EPB41L4B: variants seen among roughly 807,000 people sequenced by gnomAD.
The protein encoded by EPB41L4B is erythrocyte membrane protein band 4.1 like 4B, also known as band 4.1-like protein 4B.
In EPB41L4B, 30 loss-of-function variants were observed where a neutral mutation model predicts 112.5. That is an observed-to-expected ratio of 0.27 (90% CI 0.20 to 0.36). EPB41L4B has a LOEUF of 0.36. EPB41L4B is among the 10% of genes least tolerant of loss of function. EPB41L4B has a pLI of 1.00. For synonymous variants in EPB41L4B, 408 were observed against 439.7 expected, an observed-to-expected ratio of 0.93 and a Z score of 0.90; for missense variants, 1,024 against 1,133.3, an observed-to-expected ratio of 0.90 and a Z score of 1.38.
chr9:109,270,977 T>G (rs1469079221), intron 2 of EPB41L4B, among the ~76,000 whole-genome samples: 1 of 152,238 alleles, frequency 6.6e-6, no homozygotes, highest in Non-Finnish European at 1.5e-5. Context: ...TACTGAAGTT[T>G]TCCACATCCT....
At chr9:109,262,452 G>GTGT (rs34849317) in intron 6 of EPB41L4B, among the ~76,000 whole-genome samples, 4,802 of 149,456 alleles carry the variant, frequency 0.032, 129 homozygotes, top group African/African-American at 0.05. Flanking sequence ...TGTGTGTGGG[G>GTGT]GTGTGTGTGT....
At chr9:109,222,975 C>T (rs1022174372) in intron 15 of EPB41L4B, among the ~76,000 whole-genome samples, 22 of 152,232 alleles carry the variant, frequency 1.4e-4, no homozygotes, top group African/African-American at 5.1e-4. Flanking sequence ...TCCAGAAAAG[C>T]TAGTGTTCCT....
Position 109,251,951 on chromosome 9 carries a change from C to T in EPB41L4B, c.1280-440G>A, listed in dbSNP as rs952450317. ...CCCTGGGAATGAGGTACAGCTTAGC[C>T]GCTTACACTCCATTTTGTTTTTAAA... is the stretch of plus-strand genomic sequence containing the variant. On this transcript the variant is annotated intron_variant, in intron 12 of 25. Coordinates refer to ENST00000374566, the MANE Select transcript of EPB41L4B (RefSeq NM_019114.5). Among the ~76,000 whole-genome samples, 12 of 152,274 alleles carry T rather than the reference C, an allele frequency of 7.9e-5. No individual in the cohort carries two copies. In the South Asian group the frequency reaches 1.0e-3, roughly 13 times the overall value.
At chr9:109,315,394 TC>T (rs1466023562) in intron 1 of EPB41L4B, among the ~76,000 whole-genome samples, 1 of 152,134 alleles carries the variant, frequency 6.6e-6, no homozygotes, top group Non-Finnish European at 1.5e-5. Context: ...AGAAAAAAAA[TC>T]CCAGATGAAC....
At chr9:109,204,705 C>T (rs930944011) in intron 18 of EPB41L4B, among the ~76,000 whole-genome samples, 3 of 152,110 alleles carry the variant, frequency 2.0e-5, no homozygotes, top group African/African-American at 7.2e-5. Flanking sequence ...CCATGTTGCC[C>T]AGGCTGGTCT....
intron 15 of EPB41L4B, among the ~76,000 whole-genome samples, chr9:109,227,092 C>A (rs1588150950): frequency 6.6e-6 from 1 of 152,014 alleles, no homozygotes; most frequent in Non-Finnish European, 1.5e-5. Context: ...TCCCACTTCT[C>A]ATCCTAAAGC....
intron 24 of EPB41L4B, among the ~76,000 whole-genome samples, chr9:109,181,107 G>A (rs1832035921): frequency 2.0e-5 from 3 of 152,116 alleles, no homozygotes; most frequent in Non-Finnish European, 4.4e-5. Flanking sequence ...AGCCTCCTGG[G>A]CTCCAGAGAT....
At chr9:109,261,966 T>C (rs1327233899) in intron 6 of EPB41L4B, among the ~76,000 whole-genome samples, 1 of 152,168 alleles carries the variant, frequency 6.6e-6, no homozygotes, top group Admixed American at 6.5e-5. Flanking sequence ...GGCAAATGAG[T>C]GCACAACATA....
intron 15 of EPB41L4B, among the ~76,000 whole-genome samples, 181 bp from the exon 16 acceptor site, chr9:109,217,326 A>G (rs984851010): frequency 6.6e-6 from 1 of 152,238 alleles, no homozygotes; most frequent in African/African-American, 2.4e-5. Context: ...AGCAAAGTGG[A>G]AGTTTGTATA....
intron 16 of EPB41L4B, among the ~76,000 whole-genome samples, chr9:109,216,266 A>AT (rs1358557277): frequency 6.6e-6 from 1 of 151,950 alleles, no homozygotes; most frequent in African/African-American, 2.4e-5. Context: ...GCACTTTGGG[A>AT]TTTTTTTCGT....
intron 1 of EPB41L4B, among the ~76,000 whole-genome samples, 198 bp downstream of exon 1, chr9:109,319,943 C>T (rs905126610): frequency 1.6e-4 from 24 of 152,050 alleles, no homozygotes; most frequent in Admixed American, 1.3e-4. Flanking sequence ...GGGGCACGGG[C>T]CAAAGGTGGG....
At chr9:109,299,130 A>C (rs1588224617) in intron 1 of EPB41L4B, among the ~76,000 whole-genome samples, 1 of 152,232 alleles carries the variant, frequency 6.6e-6, no homozygotes, top group Non-Finnish European at 1.5e-5. Context: ...GTCACTACAC[A>C]GGTCTAGCCA....
chr9:109,172,205 T>C lies in EPB41L4B; in HGVS notation c.*2349A>G, dbSNP rs1831654753. 6.6e-6 allele frequency: 1 copy of C among 152,152 alleles called. No homozygotes were observed. Among genetic ancestry groups the C allele is most frequent in the Admixed American group, 6.5e-5 (1 of 15,274 alleles). The allele number at this position is 152,152 out of a possible 1,614,324, so 9.4% of individuals were successfully genotyped here. On this transcript the variant is annotated 3_prime_UTR_variant, in exon 26 of 26. Transcript: ENST00000374566. ...CATCCCTTCTTGGAAGCCAAGCAGA[T>C]CTGACACATAGGAAATACTGGCTTT...
chr9:109,319,188 G>T (rs1311777982), intron 1 of EPB41L4B, among the ~76,000 whole-genome samples: 9 of 151,960 alleles, frequency 5.9e-5, no homozygotes. Flanking sequence ...GGTTTGATTT[G>T]ATCTGATCTG....
chr9:109,241,000 G>A (rs1834335693), intron 15 of EPB41L4B: 2 of 985,244 alleles, frequency 2.0e-6, no homozygotes, highest in Non-Finnish European at 2.4e-6. Flanking sequence ...AAGTCCCCCT[G>A]TATCTATATA....
chr9:109,264,934 ACTATGAT>A, intron 5 of EPB41L4B, 39 bp downstream of exon 5: 1 of 1,501,672 alleles, frequency 6.7e-7, no homozygotes, highest in East Asian at 2.3e-5. Flanking sequence ...TTTGAAATAC[ACTATGAT>A]CTATCCTGGG....
intron 1 of EPB41L4B, among the ~76,000 whole-genome samples, chr9:109,308,181 C>T (rs1042256865): frequency 1.3e-5 from 2 of 151,898 alleles, no homozygotes; most frequent in Admixed American, 1.3e-4. Context: ...GAGGGCCTCC[C>T]GAGTATGTGA....
intron 22 of EPB41L4B, among the ~76,000 whole-genome samples, chr9:109,186,306 G>T (rs1181384151): frequency 6.6e-6 from 1 of 151,756 alleles, no homozygotes; most frequent in East Asian, 1.9e-4. Context: ...TCCTGCCTCA[G>T]CCCCCAAAGT....
intron 21 of EPB41L4B, 139 bp from the exon 22 acceptor site, chr9:109,192,494 C>T (rs747079651): frequency 2.6e-5 from 14 of 546,956 alleles, no homozygotes; most frequent in Non-Finnish European, 4.3e-5. Flanking sequence ...GTATTTCCCT[C>T]ACCAAGTAGT....
Sources: gnomAD v4.1 joint callset for allele counts (sites outside exome capture counted in the v4.1 genomes callset) on GRCh38, gnomAD v4.1.1 for gene constraint, MANE v1.5 for transcripts, NCBI Gene and HGNC (gene_info 2026-07-23, HGNC 2026-07-21) for gene names.